The following CGN variants were observed in gnomAD, a reference collection of about 807,000 sequenced individuals.
The protein encoded by CGN is cingulin.
In CGN, 121 loss-of-function variants were observed where a neutral mutation model predicts 157.1. The ratio of observed to expected loss-of-function variants is 0.77; its 90% CI spans 0.66 to 0.90. The LOEUF (loss-of-function observed/expected upper bound fraction) is 0.90. Among genes scored for constraint, CGN ranks in the 40% least tolerant of loss-of-function variants. CGN has a pLI of 0.00. For synonymous variants in CGN, 535 were observed against 607.5 expected (o/e 0.88, Z 1.76); for missense variants, 1,424 against 1,520.9 (o/e 0.94, Z 1.06).
chr1:151,527,256 C>A, intron 10 of CGN, 149 bp downstream of exon 10: 1 of 803,782 alleles, frequency 1.2e-6, no homozygotes, highest in Non-Finnish European at 2.0e-6. Context: ...CTCTTTCCAG[C>A]ACAGCAGCAC....
chr1:151,530,034 GC>G lies in CGN; in HGVS notation c.2233del (p.Gln745SerfsTer2). ...FRRRILGLEQ[Q>X]LKETRGLVDG... ...GCCGGCGCATCCTGGGTTTGGAGCAGCAGCTGAAGGAGACTCGAGGTCTGGT... is the reference window on the plus strand; with the variant it reads ...GCCGGCGCATCCTGGGTTTGGAGCAGAGCTGAAGGAGACTCGAGGTCTGGT... On this transcript the variant is annotated frameshift_variant, in exon 12 of 21. Coordinates refer to ENST00000271636, the MANE Select transcript of CGN (RefSeq NM_020770.3). LOFTEE classifies it high-confidence loss of function. The G allele has an allele frequency of 6.2e-7, 1 of 1,614,198 alleles. No individual in the cohort carries two copies. Among genetic ancestry groups the G allele is most frequent in the South Asian group, 1.1e-5 (1 of 91,084 alleles).
Position 151,537,614 on chromosome 1 carries a change from G to A in CGN, c.*268G>A. 2.6e-6 allele frequency: 1 copy of A among 380,306 alleles called. No individual in the cohort carries two copies. The highest frequency in any genetic ancestry group is 4.7e-6 in the Non-Finnish European group (1 of 210,924). The allele number at this position is 380,306 out of a possible 1,614,324, so 23.6% of individuals were successfully genotyped here. On this transcript the variant is annotated 3_prime_UTR_variant, in exon 21 of 21. Coordinates refer to ENST00000271636, the MANE Select transcript of CGN (RefSeq NM_020770.3). ...CTCCCTCATCTCTCTTATAGTGGAA[G>A]GATGGTCAGCATTAGGCTGATGGGG...
In CGN at chr1:151,511,486, G is replaced by A. The variant is rs889607410; in HGVS notation, c.-44G>A. ...CCCGAGCCCGAGCCCGAGCCCGAAC[G>A]CAAGCCTGGGAGCGCGGAGCCCGGC... On this transcript the variant is annotated 5_prime_UTR_variant, in exon 1 of 21. Transcript: ENST00000271636. The surrounding 1 kb of genome is among the most constrained non-coding windows in gnomAD (Gnocchi z 4.8). 1.7e-4 allele frequency: 21 copies of A among 126,890 alleles called. No individual in the cohort carries two copies. Among genetic ancestry groups the A allele is most frequent in the Non-Finnish European group, 3.3e-4 (20 of 60,570 alleles). The allele number at this position is 126,890 out of a possible 1,614,324, so 7.9% of individuals were successfully genotyped here. A position where few individuals can be genotyped will look rare whatever the true frequency, so the allele number is the denominator to read the frequency against.
chr1:151,526,917 C>G, intron 9 of CGN, 58 bp from the exon 10 acceptor site: 2 of 1,609,098 alleles, frequency 1.2e-6, no homozygotes, highest in Non-Finnish European at 1.7e-6. Context: ...CTAACCTCCC[C>G]CAGGCATGTG....
chr1:151,524,986 A>G lies in CGN; in HGVS notation c.1614+100A>G, dbSNP rs1247201129. 6.5e-6 allele frequency: 6 copies of G among 925,040 alleles called. No individual in the cohort carries two copies. The highest frequency in any genetic ancestry group is 8.3e-6 in the Non-Finnish European group (5 of 599,488). 57.3% of individuals were successfully genotyped at this position (925,040 alleles called of 1,614,324 possible). A position where few individuals can be genotyped will look rare whatever the true frequency, so the allele number is the denominator to read the frequency against. ...TGGACTTTTCATGGTTGCAACTGGG[A>G]ACTCCCCCTCTCCTCCTAAAGGACA... On this transcript the variant is annotated intron_variant, in intron 8 of 20. Transcript: ENST00000271636. The surrounding 1 kb of genome is among the most constrained non-coding windows in gnomAD (Gnocchi z 4.4).
At chr1:151,528,240 G>A (rs771994280) in intron 10 of CGN, among the ~76,000 whole-genome samples, 2 of 151,708 alleles carry the variant, frequency 1.3e-5, no homozygotes, top group African/African-American at 2.4e-5. Context: ...GCCCTCCTTG[G>A]CCTCCCAAAG....
At position 151,525,761 on chromosome 1, in the gene CGN, C is replaced by T. The variant is rs748825067; in HGVS notation, c.1734C>T (p.Asn578=). 2.5e-6 allele frequency: 4 copies of T among 1,606,868 alleles called. No individual in the cohort carries two copies. Among genetic ancestry groups the T allele is most frequent in the Non-Finnish European group, 3.4e-6 (4 of 1,176,350 alleles). The part of the protein sequence containing the change: ...TGHWQSMFQK[N]KEDLRATKQE... ...ATTGGCAGAGTATGTTCCAGAAGAA[C>T]AAGGAGGATCTTAGAGCCACCAAGC... The change falls in exon 9 of 21, where the codon AAC becomes AAT. Residue 578 remains asparagine, a synonymous_variant. Transcript: ENST00000271636.
rs1295937122 is a variant in CGN, at chr1:151,534,087, A to G, written c.2855A>G (p.Asn952Ser). 1.2e-6 allele frequency: 2 copies of G among 1,612,334 alleles called. No homozygotes were observed. The highest frequency in any genetic ancestry group is 1.1e-5 in the South Asian group (1 of 90,824). Residue 952 changes from asparagine (N) to serine (S), a missense_variant, in exon 15 of 21, where the codon AAC becomes AGC. Transcript: ENST00000271636. ...RLQGLEQEAE[N>S]KKRSQDDRAR... Reference sequence around the variant, plus strand: ...CAGGGGCTGGAGCAAGAGGCAGAGAACAAGAAGCGTTCCCAGGACGACAGG... The same window carrying G: ...CAGGGGCTGGAGCAAGAGGCAGAGAGCAAGAAGCGTTCCCAGGACGACAGG...
chr1:151,521,048 G>A lies in CGN; in HGVS notation c.1140+357G>A, dbSNP rs564759320. Among the ~76,000 whole-genome samples, 3 of 152,108 alleles carry A rather than the reference G, an allele frequency of 2.0e-5. No homozygotes were observed. The South Asian group carries it at 6.2e-4, about 32-fold the overall frequency. On this transcript the variant is annotated intron_variant, in intron 5 of 20. Transcript: ENST00000271636. ...GCAATAGTAGTAGCTATCATTTATT[G>A]AGTATAATTTTGGTAGTATGTACTG...
Position 151,535,636 on chromosome 1 carries a change from T to A in CGN, c.3031T>A (p.Ser1011Thr). Residue 1011 changes from serine to threonine, a missense_variant, in exon 17 of 21, where the codon TCT (serine) becomes ACT (threonine). Ser to Thr is a moderately conservative substitution (Grantham distance 58). Transcript: ENST00000271636. ...GAGGACAGAGCTCATGCAGGAAAGGTCTGCTCGGCAGGACCTGGAGTGTGA... is the reference window on the plus strand; with the variant it reads ...GAGGACAGAGCTCATGCAGGAAAGGACTGCTCGGCAGGACCTGGAGTGTGA... ...QLRTELMQER[S>T]ARQDLECDKI... The A allele has an allele frequency of 6.2e-7, 1 of 1,614,074 alleles. No homozygotes were observed. The highest frequency in any genetic ancestry group is 1.3e-5 in the African/African-American group (1 of 75,018).
intron 1 of CGN, among the ~76,000 whole-genome samples, chr1:151,518,147 A>G (rs968240828): frequency 2.0e-5 from 3 of 152,192 alleles, no homozygotes; most frequent in Non-Finnish European, 2.9e-5. Flanking sequence ...GCTCCTGGCC[A>G]TCAAGCAAAA....
intron 1 of CGN, chr1:151,515,758 A>C (rs1664395540): frequency 6.6e-6 from 1 of 152,246 alleles, no homozygotes; most frequent in African/African-American, 2.4e-5. Context: ...TACAGGCGTG[A>C]GCCACCACAC....
At chr1:151,517,629 G>A (rs2102487846) in intron 1 of CGN, among the ~76,000 whole-genome samples, 1 of 151,390 alleles carries the variant, frequency 6.6e-6, no homozygotes, top group Admixed American at 6.6e-5. Flanking sequence ...TTCTGCTTCA[G>A]CCTCCTGAGT....
chr1:151,537,504 C>A lies in CGN; in HGVS notation c.*158C>A. 3.7e-6 allele frequency: 2 copies of A among 542,440 alleles called. No homozygotes were observed. The highest frequency in any genetic ancestry group is 6.3e-6 in the Non-Finnish European group (2 of 318,332). The allele number at this position is 542,440 out of a possible 1,614,324, so 33.6% of individuals were successfully genotyped here. A position where few individuals can be genotyped will look rare whatever the true frequency, so the allele number is the denominator to read the frequency against. On this transcript the variant is annotated 3_prime_UTR_variant, in exon 21 of 21. Transcript: ENST00000271636. ...AGTGATGGTGATAAAAAAAAAAAAT[C>A]ATCAGCAATAAGCTGATAGATGGAC...
chr1:151,536,480 G>A, intron 19 of CGN, 135 bp downstream of exon 19: 1 of 649,222 alleles, frequency 1.5e-6, no homozygotes, highest in Non-Finnish European at 2.8e-6. Context: ...ACAGAGATTA[G>A]ATTGAAAAGA....
rs12038198 is a variant in CGN at position 151,524,726 on chromosome 1, G to A, written c.1454G>A (p.Arg485Gln). The change falls in exon 8 of 21, where the codon CGA becomes CAA. Residue 485 changes from arginine (R) to glutamine (Q), a missense_variant. Physicochemically the swap from Arg to Gln is conservative, Grantham distance 43 (BLOSUM62 1). This residue lies in a region of CGN where 1,187 missense variants were observed against 1,217.6 expected (regional missense o/e 0.97). Transcript: ENST00000271636. The surrounding 1 kb of genome is among the most constrained non-coding windows in gnomAD (Gnocchi z 4.4). ...GAAGAGGTCTTGGAGGGGAAACAGC[G>A]AGTAGAGGAGCAGCTGAGGCTGCGG... ...LLEEVLEGKQ[R>Q]VEEQLRLRER... 73,065 of 1,609,626 alleles carry A rather than the reference G, an allele frequency of 0.045. 3,338 individuals carry two copies. The highest frequency in any genetic ancestry group is 0.2 in the East Asian group (8,865 of 44,826).
At chr1:151,527,808 T>TAC (rs141985486) in intron 10 of CGN, 24,078 of 154,498 alleles carry the variant, frequency 0.16, 2,893 homozygotes, top group East Asian at 0.61. Context: ...TTTGGTTTTA[T>TAC]ACACACACAC....
rs191742125 is a variant in CGN at position 151,529,923 on chromosome 1, C to T, written c.2121C>T (p.Ala707=). The T allele has an allele frequency of 1.6e-4, 254 of 1,613,658 alleles. 1 individual carries two copies. In the East Asian group the frequency reaches 4.0e-3, roughly 25 times the overall value. ...CEEASKAKMV[A]EAEATVLGQR... Reference sequence around the variant, plus strand: ...ACCGTCCTTAGGCTAAGATGGTGGCCGAGGCAGAGGCAACAGTGCTGGGGC... The same window carrying T: ...ACCGTCCTTAGGCTAAGATGGTGGCTGAGGCAGAGGCAACAGTGCTGGGGC... The change falls in exon 12 of 21, where the codon GCC becomes GCT. Residue 707 remains alanine, a synonymous_variant. Transcript: ENST00000271636.
At chr1:151,527,251 T>A in intron 10 of CGN, 144 bp downstream of exon 10, 1 of 856,424 alleles carries the variant, frequency 1.2e-6, no homozygotes, top group Non-Finnish European at 1.9e-6. Flanking sequence ...TTGATCTCTT[T>A]CCAGCACAGC....
Sources: gnomAD v4.1 joint callset for allele counts (sites outside exome capture counted in the v4.1 genomes callset) on GRCh38, gnomAD v4.1.1 for gene constraint, gnomAD v4.1.1 regional missense constraint, Gnocchi (gnomAD v3.1) non-coding constraint, MANE v1.5 for transcripts, NCBI Gene and HGNC (gene_info 2026-07-23, HGNC 2026-07-21) for gene names.